The following TNRC6C variants were observed in gnomAD, a reference collection of about 807,000 sequenced individuals.
TNRC6C encodes trinucleotide repeat containing adaptor 6C, also known as trinucleotide repeat-containing gene 6C protein.
A neutral mutation model predicts 153.7 loss-of-function variants in TNRC6C; 20 were observed. The observed-to-expected ratio is 0.13, with a 90% CI of 0.09 to 0.19. TNRC6C has a LOEUF of 0.19. TNRC6C is among the 10% of genes least tolerant of loss of function. The pLI is 1.00. For synonymous variants in TNRC6C, 811 were observed against 841.4 expected (o/e 0.96, Z 0.63); for missense variants, 1,987 against 2,172.0 (o/e 0.91, Z 1.69).
intron 2 of TNRC6C, among the ~76,000 whole-genome samples, chr17:78,048,595 G>A (rs1293276203): frequency 6.6e-6 from 1 of 152,232 alleles, no homozygotes; most frequent in Non-Finnish European, 1.5e-5. Flanking sequence ...CGTGCATTGT[G>A]AGTATTCTCC....
Position 78,049,172 on chromosome 17 carries a change from T to A in TNRC6C, c.110T>A (p.Leu37His). 6.2e-7 allele frequency: 1 copy of A among 1,613,060 alleles called. No individual in the cohort carries two copies. Among genetic ancestry groups the A allele is most frequent in the Non-Finnish European group, 8.5e-7 (1 of 1,179,482 alleles). ...CAAAGCCCTTCTAATCAGAGTGCCC[T>A]TGGAGCAGGGGGAGCGAACAGTAAT... Residue 37 changes from leucine (L) to histidine (H), a missense_variant, in exon 3 of 20, where the codon CTT (leucine) becomes CAT (histidine). By Grantham distance (99) the Leu-to-His change is moderately conservative. Around this residue, in one of 4 missense-constraint regions of TNRC6C, gnomAD observed 1,052 missense variants for 1,017.0 expected, o/e 1.03. Transcript: ENST00000301624. This position sits in a 1 kb window ranked among gnomAD's most constrained non-coding sequence, Gnocchi z 4.1.
At chr17:78,027,935 G>A (rs1414936191) in intron 1 of TNRC6C, among the ~76,000 whole-genome samples, 4 of 141,766 alleles carry the variant, frequency 2.8e-5, no homozygotes, top group Non-Finnish European at 6.0e-5. Context: ...ATGGAGTCTC[G>A]CCCAGGCTGG....
At chr17:78,028,655 C>A (rs1011142359) in intron 1 of TNRC6C, among the ~76,000 whole-genome samples, 1 of 151,834 alleles carries the variant, frequency 6.6e-6, no homozygotes, top group African/African-American at 2.4e-5. Context: ...TAGACTGGAG[C>A]TGACAATGTA....
At chr17:78,050,755 G>A (rs1388378311) in exon 3 of TNRC6C, 1 of 1,596,788 alleles carries the variant, frequency 6.3e-7, no homozygotes, top group African/African-American at 1.3e-5. Context: ...CGCAAATCAG[G>A]AGGACAAGTC....
At chr17:77,983,677 T>C (rs2071114401) in intron 1 of TNRC6C, among the ~76,000 whole-genome samples, 1 of 152,220 alleles carries the variant, frequency 6.6e-6, no homozygotes, top group Non-Finnish European at 1.5e-5. Flanking sequence ...ACACCATCCA[T>C]GCGTTCATAA....
chr17:78,102,558 C>A lies in TNRC6C; in HGVS notation c.4572+14C>A. The stretch of plus-strand genomic sequence containing the variant: ...CTCACTCCCCAGGTGCAATATGGTG[C>A]CCCTGCATCACTGAGCATGATCCAG... On this transcript the variant is annotated intron_variant, in intron 18 of 19. Coordinates refer to ENST00000301624, the Ensembl canonical transcript of TNRC6C. 1.9e-6 allele frequency: 3 copies of A among 1,592,220 alleles called. No homozygotes were observed. Among genetic ancestry groups the A allele is most frequent in the Non-Finnish European group, 2.6e-6 (3 of 1,169,272 alleles).
chr17:78,098,439 G>C (rs1177661929), exon 17 of TNRC6C: 1 of 1,613,876 alleles, frequency 6.2e-7, no homozygotes, highest in East Asian at 2.2e-5. Context: ...CCCAGAAACA[G>C]TACTGCACCC....
intron 2 of TNRC6C, among the ~76,000 whole-genome samples, chr17:78,036,922 A>T (rs1027250103): frequency 7.2e-6 from 1 of 138,406 alleles, no homozygotes; most frequent in African/African-American, 2.9e-5. Flanking sequence ...AGATTCCATT[A>T]AAAAAAAAAA....
intron 1 of TNRC6C, among the ~76,000 whole-genome samples, chr17:77,961,320 T>A (rs1209241783): frequency 1.3e-5 from 2 of 152,186 alleles, no homozygotes; most frequent in Non-Finnish European, 2.9e-5. Flanking sequence ...CACGCCCGGC[T>A]AATTTTTGTA....
chr17:78,014,238 T>C (rs566186203), intron 1 of TNRC6C, among the ~76,000 whole-genome samples: 1 of 152,312 alleles, frequency 6.6e-6, no homozygotes, highest in East Asian at 1.9e-4. Context: ...TGAAAAGAGA[T>C]GTGGTCAAGA....
chr17:78,051,557 A>G, intron 3 of TNRC6C, 109 bp downstream of exon 5: 1 of 1,180,328 alleles, frequency 8.5e-7, no homozygotes, highest in Non-Finnish European at 1.1e-6. Context: ...AGCAAATAGC[A>G]TTAAAATAAT....
At chr17:77,986,200 G>A (rs965735977) in intron 1 of TNRC6C, among the ~76,000 whole-genome samples, 3 of 152,158 alleles carry the variant, frequency 2.0e-5, no homozygotes, top group Non-Finnish European at 4.4e-5. Flanking sequence ...CGGATCACCC[G>A]AGGTCGGGAG....
intron 4 of TNRC6C, among the ~76,000 whole-genome samples, chr17:78,065,405 T>A (rs2072855393): frequency 6.6e-6 from 1 of 151,214 alleles, no homozygotes; most frequent in Non-Finnish European, 1.5e-5. Context: ...GCCTGATACA[T>A]GAACACAAAG....
chr17:78,102,641 T>G (rs2073618329), intron 18 of TNRC6C, 97 bp downstream of exon 21: 9 of 1,268,624 alleles, frequency 7.1e-6, no homozygotes, highest in Non-Finnish European at 9.9e-6. Flanking sequence ...GCAGGATAGT[T>G]GGGGGTTCTT....
intron 2 of TNRC6C, among the ~76,000 whole-genome samples, chr17:78,043,571 CA>C (rs1567931736): frequency 6.6e-6 from 1 of 152,088 alleles, no homozygotes; most frequent in Non-Finnish European, 1.5e-5. Flanking sequence ...CATTGTGTTA[CA>C]AATAATCCTA....
chr17:78,097,676 A>G, intron 16 of TNRC6C, 69 bp from the exon 19 acceptor site: 3 of 1,120,098 alleles, frequency 2.7e-6, no homozygotes, highest in Non-Finnish European at 3.8e-6. Context: ...TGGTTCTCAC[A>G]CCCCACAGTT....
Position 78,049,090 on chromosome 17 carries a change from T to C in TNRC6C, c.28T>C (p.Phe10Leu). 1 of 1,555,616 alleles carries C rather than the reference T, an allele frequency of 6.4e-7. No homozygotes were observed. The highest frequency in any genetic ancestry group is 8.7e-7 in the Non-Finnish European group (1 of 1,149,122). Residue 10 changes from phenylalanine (F) to leucine (L), a missense_variant, in exon 3 of 20, where the codon TTC becomes CTC. Phe to Leu is a conservative substitution (Grantham distance 22). This residue lies in a region of TNRC6C where 1,052 missense variants were observed against 1,017.0 expected (regional missense o/e 1.03). Coordinates refer to ENST00000301624, the Ensembl canonical transcript of TNRC6C. The surrounding 1 kb of genome is among the most constrained non-coding windows in gnomAD (Gnocchi z 4.1). ...GGCTACAGGGAGTGCCCAGGGCAACTTCACTGGACATACCAAGAAGACAAA... is the reference window on the plus strand; with the variant it reads ...GGCTACAGGGAGTGCCCAGGGCAACCTCACTGGACATACCAAGAAGACAAA...
At chr17:77,960,255 CTG>C (rs1423611302) in intron 1 of TNRC6C, among the ~76,000 whole-genome samples, 1 of 152,214 alleles carries the variant, frequency 6.6e-6, no homozygotes, top group Non-Finnish European at 1.5e-5. Flanking sequence ...AAATGGTGCT[CTG>C]TAGATGTCCA....
At position 78,064,713 on chromosome 17, in the gene TNRC6C, C is replaced by A. The variant is rs781318227; in HGVS notation, c.2396-9C>A. On this transcript the variant is annotated splice_polypyrimidine_tract_variant and intron_variant, in intron 3 of 19. Transcript: ENST00000301624. ...CATTATTTTCTCTACCCCTTGGAACCTTTTTCAGTTTCATCAGGCTGGGGA... is the reference window on the plus strand; with the variant it reads ...CATTATTTTCTCTACCCCTTGGAACATTTTTCAGTTTCATCAGGCTGGGGA... The A allele has an allele frequency of 3.1e-6, 5 of 1,612,776 alleles. No homozygotes were observed. The African/African-American group carries it at 5.3e-5, about 17-fold the overall frequency.
Sources: allele counts gnomAD v4.1 joint callset (sites outside exome capture counted in the v4.1 genomes callset), GRCh38; gene constraint gnomAD v4.1.1; regional missense constraint gnomAD v4.1.1; non-coding constraint Gnocchi (gnomAD v3.1); transcripts MANE v1.5; gene names NCBI Gene and HGNC (gene_info 2026-07-23, HGNC 2026-07-21).